The following MACROD2 variants were observed in gnomAD, a reference collection of about 807,000 sequenced individuals.
The protein encoded by MACROD2 is mono-ADP ribosylhydrolase 2, also known as ADP-ribose glycohydrolase MACROD2.
MACROD2 carries 36 observed loss-of-function variants against 70.4 expected under a neutral mutation model. The observed-to-expected ratio is 0.51, with a 90% CI of 0.39 to 0.68. The LOEUF (loss-of-function observed/expected upper bound fraction) is 0.68. Among genes scored for constraint, MACROD2 ranks in the 30% least tolerant of loss-of-function variants. MACROD2 has a pLI of 0.00. For missense variants in MACROD2, 496 were observed against 538.4 expected (o/e 0.92, Z 0.78); for synonymous variants, 172 against 178.8 (o/e 0.96, Z 0.30).
chr20:14,997,082 G>T (rs2034023185), intron 5 of MACROD2, among the ~76,000 whole-genome samples: 1 of 152,144 alleles, frequency 6.6e-6, no homozygotes. Flanking sequence ...AGGAATGCTT[G>T]TGTCACTCAT....
At chr20:15,563,213 T>C (rs2048268105) in intron 8 of MACROD2, among the ~76,000 whole-genome samples, 1 of 152,196 alleles carries the variant, frequency 6.6e-6, no homozygotes. Context: ...TTGATATCAA[T>C]GTCTATCAGA....
At chr20:15,241,595 G>T (rs1035676473) in intron 6 of MACROD2, among the ~76,000 whole-genome samples, 2 of 152,044 alleles carry the variant, frequency 1.3e-5, no homozygotes, top group African/African-American at 4.8e-5. Flanking sequence ...TATTACTGAA[G>T]ATCATGTTTT....
chr20:15,656,077 T>C (rs464304), intron 8 of MACROD2, among the ~76,000 whole-genome samples: 79,235 of 151,954 alleles, frequency 0.52, 20,861 homozygotes, highest in Non-Finnish European at 0.55. Context: ...CCTATTGTTT[T>C]TGGCTTATAC....
intron 9 of MACROD2, among the ~76,000 whole-genome samples, chr20:15,864,766 A>C (rs1441166129): frequency 6.6e-6 from 1 of 152,180 alleles, no homozygotes; most frequent in East Asian, 1.9e-4. Context: ...TCAATCTCAC[A>C]TCAATGCTTT....
At chr20:15,496,681 TTTATG>T (rs1180625218) in intron 7 of MACROD2, among the ~76,000 whole-genome samples, 2 of 152,186 alleles carry the variant, frequency 1.3e-5, no homozygotes, top group African/African-American at 4.8e-5. Context: ...GGAGAAGAAT[TTTATG>T]AGATGAGAAT....
At chr20:15,277,864 T>G (rs1417334120) in intron 6 of MACROD2, among the ~76,000 whole-genome samples, 7 of 152,106 alleles carry the variant, frequency 4.6e-5, no homozygotes, top group Non-Finnish European at 1.0e-4. Context: ...GCAGACTCAT[T>G]GATGAGAATC....
intron 3 of MACROD2, among the ~76,000 whole-genome samples, chr20:14,485,427 C>A (rs980502439): frequency 6.6e-6 from 1 of 152,104 alleles, no homozygotes; most frequent in African/African-American, 2.4e-5. Context: ...GGAGGCCAGG[C>A]GTGGTGGCTC....
At chr20:14,000,341 G>A (rs818755) in intron 1 of MACROD2, among the ~76,000 whole-genome samples, 142,464 of 152,198 alleles carry the variant, frequency 0.94, 66,769 homozygotes, top group East Asian at 1. Context: ...GTCTCCTAAT[G>A]TGGCTGAAGT....
chr20:14,723,249 T>A (rs1434344804), intron 5 of MACROD2, among the ~76,000 whole-genome samples: 1 of 152,126 alleles, frequency 6.6e-6, no homozygotes, highest in East Asian at 1.9e-4. Context: ...GGGCTGCAGT[T>A]TTCTCATCAG....
intron 4 of MACROD2, among the ~76,000 whole-genome samples, chr20:14,544,030 T>C (rs1021134650): frequency 6.6e-6 from 1 of 152,146 alleles, no homozygotes; most frequent in African/African-American, 2.4e-5. Context: ...AATAAGACAT[T>C]ATCCCTGCTC....
At chr20:14,730,754 G>A (rs1447077068) in intron 5 of MACROD2, among the ~76,000 whole-genome samples, 1 of 151,830 alleles carries the variant, frequency 6.6e-6, no homozygotes, top group Non-Finnish European at 1.5e-5. Flanking sequence ...ACCAATAATA[G>A]CATCCGTTCA....
At chr20:15,106,629 G>A (rs548176394) in intron 5 of MACROD2, among the ~76,000 whole-genome samples, 5 of 152,218 alleles carry the variant, frequency 3.3e-5, no homozygotes, top group Admixed American at 6.5e-5. Flanking sequence ...CTCTCCTAGC[G>A]TGGAACAGCG....
intron 3 of MACROD2, among the ~76,000 whole-genome samples, chr20:14,260,868 A>G (rs982232986): frequency 1.3e-5 from 2 of 152,228 alleles, no homozygotes; most frequent in African/African-American, 4.8e-5. Context: ...ACTGATGGTT[A>G]CACTTTATGT....
intron 6 of MACROD2, among the ~76,000 whole-genome samples, chr20:15,380,674 T>C (rs1461736589): frequency 1.3e-5 from 2 of 152,162 alleles, no homozygotes; most frequent in Non-Finnish European, 2.9e-5. Flanking sequence ...TAACATTATA[T>C]TGTGCACGAA....
chr20:15,493,686 G>C (rs755792), intron 7 of MACROD2, among the ~76,000 whole-genome samples: 62,606 of 152,016 alleles, frequency 0.41, 13,807 homozygotes, highest in Non-Finnish European at 0.49. Flanking sequence ...AAAATAAAAA[G>C]TAAATAGAGA....
rs112516317 is a variant in MACROD2, at chr20:14,076,421, C to T, written c.164-9200C>T. ...ATCCCAGCACTTTGGGAGGCCAAGG[C>T]GGGAGGATCACTTGAACTCAGGAGT... On this transcript the variant is annotated intron_variant, in intron 2 of 17. Coordinates refer to ENST00000684519, the MANE Select transcript of MACROD2 (RefSeq NM_001351661.2). Among the ~76,000 whole-genome samples the T allele has an allele frequency of 1.4e-3, 214 of 151,992 alleles. 3 individuals are homozygous for T. Among genetic ancestry groups the T allele is most frequent in the East Asian group, 7.5e-3 (39 of 5,168 alleles).
chr20:14,352,040 A>T (rs1401523222), intron 3 of MACROD2, among the ~76,000 whole-genome samples: 6 of 152,196 alleles, frequency 3.9e-5, no homozygotes, highest in Non-Finnish European at 8.8e-5. Flanking sequence ...ATTGATTTGC[A>T]TATGTTGAAC....
At chr20:15,614,901 TTAAAAA>T (rs1468756350) in intron 8 of MACROD2, among the ~76,000 whole-genome samples, 1 of 152,190 alleles carries the variant, frequency 6.6e-6, no homozygotes, top group Non-Finnish European at 1.5e-5. Flanking sequence ...ACTTCTTGCT[TTAAAAA>T]TAAAATTCTG....
At chr20:14,918,775 T>C (rs6034062) in intron 5 of MACROD2, among the ~76,000 whole-genome samples, 22,295 of 152,174 alleles carry the variant, frequency 0.15, 1,949 homozygotes, top group Non-Finnish European at 0.2. Flanking sequence ...ATTTAGATCA[T>C]GTTTCCAATT....
Sources: gnomAD v4.1 joint callset for allele counts (sites outside exome capture counted in the v4.1 genomes callset) on GRCh38, gnomAD v4.1.1 for gene constraint, MANE v1.5 for transcripts, NCBI Gene and HGNC (gene_info 2026-07-23, HGNC 2026-07-21) for gene names.